METAP1D: variants seen among roughly 807,000 people sequenced by gnomAD.
METAP1D encodes the protein methionine aminopeptidase 1D, mitochondrial.
METAP1D carries 31 observed loss-of-function variants against 40.5 expected under a neutral mutation model. That is an observed-to-expected ratio of 0.77 (90% CI 0.58 to 1.03). The LOEUF (loss-of-function observed/expected upper bound fraction) is 1.03, where lower values mean the gene tolerates loss of function less well. METAP1D is among the 50% of genes least tolerant of loss of function. The probability of loss-of-function intolerance (pLI) is 0.00; values close to 1 mark genes in which losing one functional copy is unlikely to be tolerated. For missense variants in METAP1D, 411 were observed against 420.7 expected, an observed-to-expected ratio of 0.98 and a Z score of 0.20; for synonymous variants, 151 against 146.4, an observed-to-expected ratio of 1.03 and a Z score of -0.22.
intron 6 of METAP1D, among the ~76,000 whole-genome samples, chr2:172,073,653 A>G (rs765664985): frequency 2.6e-5 from 4 of 152,172 alleles, no homozygotes; most frequent in Non-Finnish European, 2.9e-5. Flanking sequence ...TCTAACAAAT[A>G]TTTGTTCTGA....
chr2:172,069,419 GA>G (rs1690369376), intron 5 of METAP1D, among the ~76,000 whole-genome samples: 1 of 152,116 alleles, frequency 6.6e-6, no homozygotes, highest in South Asian at 2.1e-4. Flanking sequence ...TATTTTGAAT[GA>G]AATATAAGAA....
chr2:172,079,285 G>A (rs996107751), intron 8 of METAP1D, 23 bp downstream of exon 8: 1 of 1,613,410 alleles, frequency 6.2e-7, no homozygotes, highest in African/African-American at 1.3e-5. Context: ...CCTCTTCCGA[G>A]TGAGTGCGTA....
intron 1 of METAP1D, among the ~76,000 whole-genome samples, chr2:172,026,686 A>T (rs1261786736): frequency 6.6e-6 from 1 of 152,168 alleles, no homozygotes. Flanking sequence ...GTAATCTTTA[A>T]AATTTGTCCT....
At chr2:172,003,701 C>G (rs911491050) in intron 1 of METAP1D, among the ~76,000 whole-genome samples, 1 of 152,102 alleles carries the variant, frequency 6.6e-6, no homozygotes, top group African/African-American at 2.4e-5. Flanking sequence ...ATAAATTACC[C>G]AGTCTCAGGA....
intron 6 of METAP1D, 149 bp from the exon 7 acceptor site, chr2:172,077,648 A>G (rs1244306738): frequency 3.9e-6 from 2 of 509,938 alleles, no homozygotes; most frequent in East Asian, 6.6e-5. Context: ...TTATTACAGC[A>G]TAATGAAAAC....
At chr2:172,000,381 C>G (rs1027030575) in intron 1 of METAP1D, among the ~76,000 whole-genome samples, 1 of 152,220 alleles carries the variant, frequency 6.6e-6, no homozygotes, top group Admixed American at 6.5e-5. Context: ...CATCTGGACA[C>G]CCGGTTCCCT....
At chr2:172,017,982 C>T (rs1381450386) in intron 1 of METAP1D, among the ~76,000 whole-genome samples, 1 of 151,696 alleles carries the variant, frequency 6.6e-6, no homozygotes, top group Non-Finnish European at 1.5e-5. Context: ...CAAAAATTAG[C>T]CGAGTGTGGT....
intron 1 of METAP1D, among the ~76,000 whole-genome samples, chr2:172,033,048 GACT>G (rs1380613171): frequency 6.6e-6 from 1 of 151,852 alleles, no homozygotes; most frequent in Non-Finnish European, 1.5e-5. Context: ...GACAGAGCAA[GACT>G]CCATCTCTAA....
At chr2:172,056,484 G>A (rs1319574501) in intron 1 of METAP1D, among the ~76,000 whole-genome samples, 2 of 152,132 alleles carry the variant, frequency 1.3e-5, no homozygotes, top group East Asian at 3.8e-4. Flanking sequence ...TGCATTTGTT[G>A]ATTTGCCTAT....
At chr2:172,028,150 C>T (rs1270052532) in intron 1 of METAP1D, among the ~76,000 whole-genome samples, 2 of 148,518 alleles carry the variant, frequency 1.3e-5, no homozygotes, top group African/African-American at 4.9e-5. Flanking sequence ...AAGAGGGTGC[C>T]AGTAACTAGG....
At chr2:172,020,150 C>A (rs945622524) in intron 1 of METAP1D, among the ~76,000 whole-genome samples, 16 of 152,140 alleles carry the variant, frequency 1.1e-4, no homozygotes, top group South Asian at 2.1e-4. Context: ...TCATGCCCGG[C>A]TAATTTTTAT....
chr2:172,069,218 A>G (rs377513234), intron 5 of METAP1D, among the ~76,000 whole-genome samples: 7 of 152,322 alleles, frequency 4.6e-5, no homozygotes, highest in East Asian at 1.9e-4. Context: ...GCCTCAAGTA[A>G]TCATTTTCAA....
rs904419752 is a variant in METAP1D at position 172,043,011 on chromosome 2, A to G, written c.41-18487A>G. Among the ~76,000 whole-genome samples, 9 of 95,682 alleles carry G rather than the reference A, an allele frequency of 9.4e-5. 2 individuals are homozygous for G. The highest frequency in any genetic ancestry group is 3.7e-4 in the South Asian group (1 of 2,684). The allele number at this position is 95,682 out of a possible 152,430, so 62.8% of individuals were successfully genotyped here. A position where few individuals can be genotyped will look rare whatever the true frequency, so the allele number is the denominator to read the frequency against. ...TGTGCGTGTGTACACATATATGTGT[A>G]TGTGTACACATATATGTGTATATGT... On this transcript the variant is annotated intron_variant, in intron 1 of 9. Transcript: ENST00000315796.
intron 1 of METAP1D, among the ~76,000 whole-genome samples, chr2:172,006,484 A>G (rs1558990745): frequency 1.3e-5 from 2 of 152,116 alleles, no homozygotes; most frequent in Admixed American, 6.6e-5. Context: ...CGCCTGGCCA[A>G]TATTTATAGT....
intron 6 of METAP1D, among the ~76,000 whole-genome samples, chr2:172,073,690 C>G (rs1043075587): frequency 6.6e-6 from 1 of 152,174 alleles, no homozygotes; most frequent in African/African-American, 2.4e-5. Flanking sequence ...TTCTGGACAC[C>G]TATTATCTTG....
intron 1 of METAP1D, among the ~76,000 whole-genome samples, chr2:172,036,209 T>C (rs113498168): frequency 0.18 from 26,237 of 147,712 alleles, 2,738 homozygotes; most frequent in South Asian, 0.28. Flanking sequence ...CCCAGCTACT[T>C]GGGAGGCTGA....
chr2:172,076,829 C>G (rs190270036), intron 6 of METAP1D, among the ~76,000 whole-genome samples: 217 of 152,264 alleles, frequency 1.4e-3, no homozygotes, highest in African/African-American at 4.8e-3. Flanking sequence ...CCTGTAAATC[C>G]CAATCTAGTG....
At chr2:172,055,188 G>A (rs183800737) in intron 1 of METAP1D, among the ~76,000 whole-genome samples, 1 of 152,202 alleles carries the variant, frequency 6.6e-6, no homozygotes, top group African/African-American at 2.4e-5. Flanking sequence ...ACCGTGTGCA[G>A]TGAATCCTGA....
chr2:172,067,268 T>C (rs1477221183), intron 5 of METAP1D, among the ~76,000 whole-genome samples: 3 of 152,248 alleles, frequency 2.0e-5, no homozygotes, highest in East Asian at 3.8e-4. Context: ...GGAAGTGTTT[T>C]TAAGAATAGT....
Sources: gnomAD v4.1 joint callset for allele counts (sites outside exome capture counted in the v4.1 genomes callset) on GRCh38, gnomAD v4.1.1 for gene constraint, MANE v1.5 for transcripts, NCBI Gene and HGNC (gene_info 2026-07-23, HGNC 2026-07-21) for gene names.